Variants in ZMAT4 observed in about 807,000 individuals in gnomAD.
ZMAT4 encodes the protein zinc finger matrin-type protein 4.
A neutral mutation model predicts 28.7 loss-of-function variants in ZMAT4; 17 were observed. The observed-to-expected ratio is 0.59, with a 90% CI of 0.41 to 0.89. The LOEUF is 0.89. ZMAT4 is among the 40% of genes least tolerant of loss of function. ZMAT4 has a pLI of 0.00. For synonymous variants in ZMAT4, 117 were observed against 109.2 expected (o/e 1.07, Z -0.44); for missense variants, 240 against 283.8 (o/e 0.85, Z 1.11).
intron 5 of ZMAT4, among the ~76,000 whole-genome samples, chr8:40,598,999 AG>A (rs899229578): frequency 4.6e-5 from 7 of 152,214 alleles, no homozygotes; most frequent in African/African-American, 1.7e-4. Context: ...ATCAATCATA[AG>A]TTTTAAATAT....
intron 5 of ZMAT4, among the ~76,000 whole-genome samples, chr8:40,591,817 C>G (rs1804903592): frequency 6.6e-6 from 1 of 152,140 alleles, no homozygotes; most frequent in African/African-American, 2.4e-5. Context: ...AGTTAATCCT[C>G]AAAACCACCT....
intron 5 of ZMAT4, among the ~76,000 whole-genome samples, chr8:40,667,235 A>G (rs1245418119): frequency 6.6e-6 from 1 of 151,616 alleles, no homozygotes; most frequent in Non-Finnish European, 1.5e-5. Flanking sequence ...TGCTCACTGC[A>G]AGTTCTGCCT....
intron 3 of ZMAT4, among the ~76,000 whole-genome samples, chr8:40,726,868 C>G (rs986452485): frequency 6.6e-6 from 1 of 152,184 alleles, no homozygotes. Flanking sequence ...TGGGCTAATG[C>G]GTTCCGCTTC....
chr8:40,877,047 G>T (rs770407929), intron 1 of ZMAT4, among the ~76,000 whole-genome samples: 1 of 152,166 alleles, frequency 6.6e-6, no homozygotes, highest in African/African-American at 2.4e-5. Flanking sequence ...AAATTAAAAC[G>T]AGACCATTAG....
chr8:40,770,992 A>C (rs1368294623), intron 2 of ZMAT4, among the ~76,000 whole-genome samples: 1 of 152,176 alleles, frequency 6.6e-6, no homozygotes, highest in Non-Finnish European at 1.5e-5. Context: ...ACTTTCCTAC[A>C]ACAAGAAAGT....
At chr8:40,675,019 C>A in intron 4 of ZMAT4, 88 bp from the exon 5 acceptor site, 1 of 1,003,544 alleles carries the variant, frequency 1.0e-6, no homozygotes, top group Non-Finnish European at 1.5e-6. Context: ...CAAAAGTCTC[C>A]TGTTCACTCT....
chr8:40,835,891 C>G lies in ZMAT4; in HGVS notation c.-4-10211G>C, dbSNP rs564863311. ...GCTTCTCCAAGGAATTCTAACTGCT[C>G]GGTGCTGATTTGTCTCCTGACCTTC... On this transcript the variant is annotated intron_variant, in intron 1 of 6. Coordinates refer to ENST00000297737, the MANE Select transcript of ZMAT4 (RefSeq NM_024645.3). Among the ~76,000 whole-genome samples the G allele has an allele frequency of 1.8e-3, 281 of 152,282 alleles. 2 individuals are homozygous for G. The highest frequency in any genetic ancestry group is 3.6e-3 in the Non-Finnish European group (244 of 68,028).
At chr8:40,603,743 C>T (rs960900501) in intron 5 of ZMAT4, among the ~76,000 whole-genome samples, 1 of 152,110 alleles carries the variant, frequency 6.6e-6, no homozygotes, top group African/African-American at 2.4e-5. Flanking sequence ...ATTCTCCTGC[C>T]TCAGCCTCCC....
intron 5 of ZMAT4, among the ~76,000 whole-genome samples, chr8:40,598,765 C>T (rs115491397): frequency 0.013 from 1,971 of 152,062 alleles, 42 homozygotes; most frequent in African/African-American, 0.046. Context: ...AATATTAGTC[C>T]TAGAATTCAA....
intron 5 of ZMAT4, among the ~76,000 whole-genome samples, chr8:40,601,868 T>C (rs1291669426): frequency 1.3e-5 from 2 of 152,210 alleles, no homozygotes; most frequent in African/African-American, 4.8e-5. Flanking sequence ...TTTGTTTTTA[T>C]TGACTTTTAA....
chr8:40,882,678 C>T (rs776676147), intron 1 of ZMAT4, among the ~76,000 whole-genome samples: 4 of 152,194 alleles, frequency 2.6e-5, no homozygotes, highest in Non-Finnish European at 5.9e-5. Context: ...ACAGGCAATA[C>T]GCTAGACGCT....
At chr8:40,570,226 G>A (rs538179469) in intron 6 of ZMAT4, among the ~76,000 whole-genome samples, 1 of 152,138 alleles carries the variant, frequency 6.6e-6, no homozygotes, top group African/African-American at 2.4e-5. Context: ...AGCTGTGATG[G>A]GGGTAGGAAA....
chr8:40,879,891 G>A (rs1192465798), intron 1 of ZMAT4, among the ~76,000 whole-genome samples: 2 of 152,224 alleles, frequency 1.3e-5, no homozygotes, highest in East Asian at 1.9e-4. Context: ...GTATATGGTA[G>A]CCTAATACTC....
At chr8:40,659,390 A>G (rs1363156214) in intron 5 of ZMAT4, among the ~76,000 whole-genome samples, 7 of 152,158 alleles carry the variant, frequency 4.6e-5, no homozygotes, top group African/African-American at 1.4e-4. Context: ...GCTTAGGGCC[A>G]CAAGTCAACA....
At chr8:40,670,470 C>T (rs997704257) in intron 5 of ZMAT4, among the ~76,000 whole-genome samples, 11 of 151,824 alleles carry the variant, frequency 7.2e-5, no homozygotes, top group Non-Finnish European at 1.6e-4. Context: ...TTGGTACAGG[C>T]AAAGATTTTT....
chr8:40,891,765 C>G (rs1016242437), intron 1 of ZMAT4, among the ~76,000 whole-genome samples: 2 of 152,130 alleles, frequency 1.3e-5, no homozygotes, highest in African/African-American at 4.8e-5. Flanking sequence ...CCCTGGCCAG[C>G]CAGGGGCATG....
chr8:40,690,858 A>G, intron 4 of ZMAT4: 1 of 969,114 alleles, frequency 1.0e-6, no homozygotes, highest in Non-Finnish European at 1.2e-6. Flanking sequence ...AGATTTTAGA[A>G]GAGGAATATA....
chr8:40,639,407 A>G (rs1806922022), intron 5 of ZMAT4, among the ~76,000 whole-genome samples: 1 of 152,114 alleles, frequency 6.6e-6, no homozygotes. Context: ...CGGGATCTCC[A>G]GCTACCTAGC....
chr8:40,817,996 A>G (rs976197501), intron 2 of ZMAT4, among the ~76,000 whole-genome samples: 8 of 152,218 alleles, frequency 5.3e-5, no homozygotes, highest in African/African-American at 1.9e-4. Context: ...AAATCCACTA[A>G]GTGACATCAA....
Sources: gnomAD v4.1 joint callset for allele counts (sites outside exome capture counted in the v4.1 genomes callset) on GRCh38, gnomAD v4.1.1 for gene constraint, MANE v1.5 for transcripts, NCBI Gene and HGNC (gene_info 2026-07-23, HGNC 2026-07-21) for gene names.